ANKS1B: variants seen among roughly 807,000 people sequenced by gnomAD.
ANKS1B encodes ankyrin repeat and sterile alpha motif domain containing 1B, also known as ankyrin repeat and sterile alpha motif domain-containing protein 1B.
In ANKS1B, 36 loss-of-function variants were observed where a neutral mutation model predicts 148.3. The observed-to-expected ratio is 0.24, with a 90% CI of 0.19 to 0.32. The LOEUF is 0.32. Among genes scored for constraint, ANKS1B ranks in the 10% least tolerant of loss-of-function variants. ANKS1B has a pLI of 1.00. For synonymous variants in ANKS1B, 542 were observed against 560.8 expected, an observed-to-expected ratio of 0.97 and a Z score of 0.47; for missense variants, 1,157 against 1,542.6, an observed-to-expected ratio of 0.75 and a Z score of 4.19.
chr12:98,812,007 C>G (rs2099100414), intron 19 of ANKS1B, among the ~76,000 whole-genome samples: 1 of 152,116 alleles, frequency 6.6e-6, no homozygotes, highest in Admixed American at 6.5e-5. Flanking sequence ...TACCCCTAGT[C>G]ATATACACTG....
intron 17 of ANKS1B, among the ~76,000 whole-genome samples, chr12:98,907,227 C>T (rs573864615): frequency 2.0e-5 from 3 of 152,316 alleles, no homozygotes; most frequent in African/African-American, 7.2e-5. Flanking sequence ...TCAGGGCTAT[C>T]TTGATGGACA....
Position 98,745,513 on chromosome 12 carries a change from T to C in ANKS1B, c.*226A>G. 8.1e-7 allele frequency: 1 copy of C among 1,238,130 alleles called. No individual in the cohort carries two copies. The highest frequency in any genetic ancestry group is 4.1e-5 in the East Asian group (1 of 24,366). The allele number at this position is 1,238,130 out of a possible 1,614,324, so 76.7% of individuals were successfully genotyped here. A position where few individuals can be genotyped will look rare whatever the true frequency, so the allele number is the denominator to read the frequency against. ...AGTCGGGAGCATCAGGGAAAACCCA[T>C]CTCAACTCACGCCTCTCAGGGGTTG... On this transcript the variant is annotated 3_prime_UTR_variant, in exon 27 of 27. Coordinates refer to ENST00000683438, the MANE Select transcript of ANKS1B (RefSeq NM_001352186.2).
intron 1 of ANKS1B, among the ~76,000 whole-genome samples, chr12:99,849,823 C>G (rs76119985): frequency 0.015 from 2,223 of 152,170 alleles, 64 homozygotes; most frequent in African/African-American, 0.051. Context: ...GGGATAGTAA[C>G]TAGAACAGGG....
Position 98,947,206 on chromosome 12 carries a change from G to A in ANKS1B, c.2778+105951C>T, listed in dbSNP as rs376823509. On this transcript the variant is annotated intron_variant, in intron 17 of 26. Coordinates refer to ENST00000683438, the MANE Select transcript of ANKS1B (RefSeq NM_001352186.2). ...TGGCTTTGACTCTGATTCAAATGGGGAACCACAGAAGGCTTTTGAGTAGAG... is the reference window on the plus strand; with the variant it reads ...TGGCTTTGACTCTGATTCAAATGGGAAACCACAGAAGGCTTTTGAGTAGAG... Among the ~76,000 whole-genome samples the A allele has an allele frequency of 9.9e-5, 15 of 152,244 alleles. No homozygotes were observed. The South Asian group carries it at 3.1e-3, about 32-fold the overall frequency.
chr12:99,556,404 T>G (rs1209918886), intron 9 of ANKS1B, among the ~76,000 whole-genome samples: 1 of 152,128 alleles, frequency 6.6e-6, no homozygotes, highest in African/African-American at 2.4e-5. Context: ...CAGTGATTTT[T>G]TTTGGGGGGG....
chr12:99,118,135 AC>A (rs2061851542), intron 15 of ANKS1B, among the ~76,000 whole-genome samples: 2 of 152,202 alleles, frequency 1.3e-5, no homozygotes, highest in Admixed American at 1.3e-4. Flanking sequence ...AAAATCCCAA[AC>A]TCTAAGTGGA....
intron 12 of ANKS1B, among the ~76,000 whole-genome samples, chr12:99,327,026 AAAT>A (rs199836350): frequency 0.075 from 10,289 of 138,076 alleles, 945 homozygotes; most frequent in African/African-American, 0.22. Flanking sequence ...ATATTATAAT[AAAT>A]ATTATATATA....
intron 9 of ANKS1B, among the ~76,000 whole-genome samples, chr12:99,578,563 G>C (rs1036946810): frequency 6.6e-6 from 1 of 151,886 alleles, no homozygotes; most frequent in Admixed American, 6.6e-5. Context: ...AATAATCCAA[G>C]CTGAGAGACA....
chr12:99,721,089 C>T (rs1266339696), intron 8 of ANKS1B, among the ~76,000 whole-genome samples: 1 of 152,100 alleles, frequency 6.6e-6, no homozygotes, highest in Non-Finnish European at 1.5e-5. Context: ...CAGGCCATCA[C>T]CAATAATTCT....
intron 1 of ANKS1B, among the ~76,000 whole-genome samples, chr12:99,852,029 AG>A (rs1456172729): frequency 1.3e-5 from 2 of 152,222 alleles, no homozygotes; most frequent in Non-Finnish European, 2.9e-5. Flanking sequence ...GTAATATGAT[AG>A]AAACAGTCCC....
At chr12:99,645,049 T>G (rs2098346848) in intron 9 of ANKS1B, among the ~76,000 whole-genome samples, 1 of 152,308 alleles carries the variant, frequency 6.6e-6, no homozygotes, top group African/African-American at 2.4e-5. Flanking sequence ...TCTGCAAAGT[T>G]CCTCTGCCAC....
At chr12:99,549,790 G>C (rs1031755321) in intron 9 of ANKS1B, among the ~76,000 whole-genome samples, 2 of 152,068 alleles carry the variant, frequency 1.3e-5, no homozygotes, top group African/African-American at 2.4e-5. Context: ...GTAAACTCCC[G>C]CCATTCCACA....
chr12:99,228,122 C>A (rs1250933374), intron 14 of ANKS1B, among the ~76,000 whole-genome samples: 1 of 151,530 alleles, frequency 6.6e-6, no homozygotes. Context: ...TGGAAAAGAT[C>A]TAGCCCTACT....
At chr12:99,350,356 G>T (rs1274686803) in intron 12 of ANKS1B, among the ~76,000 whole-genome samples, 1 of 151,872 alleles carries the variant, frequency 6.6e-6, no homozygotes, top group East Asian at 1.9e-4. Flanking sequence ...TTATAGCCGT[G>T]CAAGAGTGGA....
At chr12:98,894,562 C>A (rs1206750591) in intron 17 of ANKS1B, 1 of 984,876 alleles carries the variant, frequency 1.0e-6, no homozygotes, top group Non-Finnish European at 1.2e-6. Flanking sequence ...GCTGCGGCAC[C>A]ACTTCTTGGA....
At chr12:99,250,787 A>G (rs975977004) in intron 12 of ANKS1B, among the ~76,000 whole-genome samples, 3 of 152,268 alleles carry the variant, frequency 2.0e-5, no homozygotes, top group African/African-American at 7.2e-5. Flanking sequence ...GAAAATGATG[A>G]TAGTAATAGA....
intron 14 of ANKS1B, chr12:99,154,673 C>T (rs1244922045): frequency 1.4e-6 from 2 of 1,437,738 alleles, no homozygotes; most frequent in Non-Finnish European, 1.8e-6. Context: ...ATACAGCCCC[C>T]AAAACCAGGC....
intron 1 of ANKS1B, among the ~76,000 whole-genome samples, chr12:99,914,012 T>C (rs1367746108): frequency 3.3e-5 from 5 of 152,164 alleles, no homozygotes; most frequent in Admixed American, 1.3e-4. Flanking sequence ...TGAGTTCTCT[T>C]CCACTGCTGT....
At chr12:99,510,888 T>C (rs1286979836) in intron 9 of ANKS1B, among the ~76,000 whole-genome samples, 1 of 152,028 alleles carries the variant, frequency 6.6e-6, no homozygotes, top group Non-Finnish European at 1.5e-5. Flanking sequence ...CCTGAGAGTT[T>C]GCTGAAATTG....
Sources: allele counts gnomAD v4.1 joint callset (sites outside exome capture counted in the v4.1 genomes callset), GRCh38; gene constraint gnomAD v4.1.1; transcripts MANE v1.5; gene names NCBI Gene and HGNC (gene_info 2026-07-23, HGNC 2026-07-21).